ZNF841: variants seen among roughly 807,000 people sequenced by gnomAD.
ZNF841 encodes the protein TCONS_00006091.
Under a neutral mutation model 13.0 loss-of-function variants are expected in ZNF841, and 11 were observed. The observed-to-expected ratio is 0.85, with a 90% CI of 0.53 to 1.40. The LOEUF (loss-of-function observed/expected upper bound fraction) is 1.40, where lower values mean the gene tolerates loss of function less well. Ranked by LOEUF, ZNF841 falls within the 40% of genes most tolerant of loss-of-function variation. The probability of loss-of-function intolerance (pLI) is 0.00; values close to 1 mark genes in which losing one functional copy is unlikely to be tolerated. For synonymous variants in ZNF841, 369 were observed against 381.6 expected (o/e 0.97, Z 0.38); for missense variants, 1,068 against 1,139.5 (o/e 0.94, Z 0.90).
intron 1 of ZNF841, among the ~76,000 whole-genome samples, 192 bp downstream of exon 1, chr19:52,095,383 T>TC (rs1230947237): frequency 6.6e-6 from 1 of 151,826 alleles, no homozygotes; most frequent in Non-Finnish European, 1.5e-5. Context: ...ACGGAGGAGC[T>TC]CGGGGATCGC....
At chr19:52,072,950 T>C (rs539599490) in intron 6 of ZNF841, among the ~76,000 whole-genome samples, 17 of 152,272 alleles carry the variant, frequency 1.1e-4, no homozygotes, top group African/African-American at 3.9e-4. Flanking sequence ...AACTTGTGAA[T>C]GCAGGAAAAA....
At chr19:52,059,390 T>TATATATATAAAC in the ZNF841 span, among the ~76,000 whole-genome samples, 1 of 96,390 alleles carries the variant, frequency 1.0e-5, no homozygotes, top group Admixed American at 1.4e-4. Context: ...TATATATATA[T>TATATATATAAAC]ACACACACAC....
At chr19:52,075,909 G>A (rs2087883921) in intron 6 of ZNF841, 135 bp downstream of exon 6, 1 of 1,257,712 alleles carries the variant, frequency 8.0e-7, no homozygotes, top group Non-Finnish European at 1.1e-6. Flanking sequence ...AAAGCAAAGT[G>A]ATAAGCAGGA....
rs112823187 is a variant in ZNF841, at chr19:52,081,467, C to T, written c.15+3320G>A. Reference sequence around the variant, plus strand: ...GCTCAATGAGTTAAAAGATAGCACACACAGACAAGCTCACGAAATCAGGAA... The same window carrying T: ...GCTCAATGAGTTAAAAGATAGCACATACAGACAAGCTCACGAAATCAGGAA... On this transcript the variant is annotated intron_variant, in intron 4 of 6. Transcript: ENST00000594440. Among the ~76,000 whole-genome samples the T allele has an allele frequency of 4.1e-4, 62 of 152,290 alleles. 2 individuals are homozygous for T. The highest frequency in any genetic ancestry group is 1.4e-3 in the African/African-American group (59 of 41,544).
At position 52,067,146 on chromosome 19, in the gene ZNF841, A is replaced by C. The variant is rs912697996; in HGVS notation, c.736T>G (p.Ser246Ala). 24 of 1,555,374 alleles carry C rather than the reference A, an allele frequency of 1.5e-5. No homozygotes were observed. The highest frequency in any genetic ancestry group is 1.7e-5 in the Non-Finnish European group (20 of 1,148,586). Reference protein sequence around the residue: ...RKYGNDFLQLSLPTQDEKTHI... With the variant: ...RKYGNDFLQLALPTQDEKTHI... ...GTTTTCTCGTCTTGTGTAGGTAACGAAAGTTGCAAAAAATCATTCCCATAT... is the reference window on the plus strand; with the variant it reads ...GTTTTCTCGTCTTGTGTAGGTAACGCAAGTTGCAAAAAATCATTCCCATAT... The change falls in exon 7 of 7, where the codon TCG becomes GCG. Residue 246 changes from serine (S) to alanine (A), a missense_variant. Physicochemically the swap from Ser to Ala is moderately conservative, Grantham distance 99. Transcript: ENST00000594440.
intron 6 of ZNF841, among the ~76,000 whole-genome samples, chr19:52,074,757 T>C (rs1163356551): frequency 1.3e-5 from 2 of 152,146 alleles, no homozygotes; most frequent in East Asian, 3.9e-4. Flanking sequence ...CCTCAGGTGA[T>C]CCACCCGCCT....
intron 2 of ZNF841, among the ~76,000 whole-genome samples, chr19:52,092,640 G>C (rs376423783): frequency 2.6e-5 from 4 of 152,292 alleles, no homozygotes; most frequent in African/African-American, 9.6e-5. Flanking sequence ...CCATTTCTGG[G>C]TATATATCCA....
chr19:52,089,152 A>G (rs2088388414), intron 2 of ZNF841, 150 bp from the exon 3 acceptor site: 1 of 152,236 alleles, frequency 6.6e-6, no homozygotes, highest in African/African-American at 2.4e-5. Flanking sequence ...GCATACCTGT[A>G]GACTCTAATA....
chr19:52,076,848 C>A, intron 5 of ZNF841, 110 bp downstream of exon 5: 1 of 1,337,726 alleles, frequency 7.5e-7, no homozygotes, highest in Non-Finnish European at 1.0e-6. Flanking sequence ...TGTGAATCAA[C>A]AAGGCTTCAG....
At chr19:52,085,247 T>A (rs1309686494) in intron 3 of ZNF841, among the ~76,000 whole-genome samples, 2 of 152,210 alleles carry the variant, frequency 1.3e-5, no homozygotes, top group African/African-American at 4.8e-5. Context: ...GGACGCTCAA[T>A]GCTGGATACA....
chr19:52,067,595 C>A lies in ZNF841; in HGVS notation c.287G>T (p.Cys96Phe). The A allele has an allele frequency of 6.6e-7, 1 of 1,519,694 alleles. No homozygotes were observed. The highest frequency in any genetic ancestry group is 2.3e-5 in the East Asian group (1 of 42,918). 94.1% of individuals were successfully genotyped at this position (1,519,694 alleles called of 1,614,324 possible). The change falls in exon 7 of 7, where the codon TGT (cysteine) becomes TTT (phenylalanine). Residue 96 changes from cysteine to phenylalanine, a missense_variant. Physicochemically the swap from Cys to Phe is radical, Grantham distance 205. Transcript: ENST00000594440. ...KGVITGISPK[C>F]VIKELPPIQN... ...TATTGGTGGTAATTCCTTGATCACACATTTAGGAGAGATACCTGCAAAATA... is the reference window on the plus strand; with the variant it reads ...TATTGGTGGTAATTCCTTGATCACAAATTTAGGAGAGATACCTGCAAAATA...
chr19:52,075,776 G>A (rs1177278833), intron 6 of ZNF841, among the ~76,000 whole-genome samples: 1 of 152,160 alleles, frequency 6.6e-6, no homozygotes, highest in African/African-American at 2.4e-5. Flanking sequence ...ATGCCACAGA[G>A]TCAAAGCATC....
intron 6 of ZNF841, among the ~76,000 whole-genome samples, chr19:52,075,609 G>A (rs1182414640): frequency 2.0e-5 from 3 of 152,324 alleles, no homozygotes; most frequent in Middle Eastern, 3.4e-3. Flanking sequence ...GCACTTTCAA[G>A]TATAGGAAAT....
At chr19:52,091,246 A>T (rs2088488197) in intron 2 of ZNF841, among the ~76,000 whole-genome samples, 2 of 152,232 alleles carry the variant, frequency 1.3e-5, no homozygotes, top group East Asian at 1.9e-4. Flanking sequence ...AGAATATTTT[A>T]AAATGATTAA....
intron 6 of ZNF841, among the ~76,000 whole-genome samples, chr19:52,074,601 C>T (rs953331321): frequency 1.2e-4 from 18 of 152,094 alleles, no homozygotes; most frequent in Non-Finnish European, 7.3e-5. Flanking sequence ...ACTACAACCT[C>T]CGCCTCCCAG....
At position 52,076,339 on chromosome 19, in the gene ZNF841, T is replaced by TA. The variant is rs968419219; in HGVS notation, c.143-168dup. The TA allele has an allele frequency of 1.1e-5, 9 of 805,716 alleles. No homozygotes were observed. In the African/African-American group the frequency reaches 1.6e-4, roughly 14 times the overall value. 49.9% of individuals were successfully genotyped at this position (805,716 alleles called of 1,614,324 possible). A position where few individuals can be genotyped will look rare whatever the true frequency, so the allele number is the denominator to read the frequency against. ...GTGAACACTGTAAGATGAAGATATC[T>TA]AGCTCTCTCCCAAGAAATACTGAAT... On this transcript the variant is annotated intron_variant, in intron 5 of 6. Coordinates refer to ENST00000594440, the MANE Select transcript of ZNF841 (RefSeq NM_001136499.2).
At chr19:52,071,149 G>A (rs1016545771) in intron 6 of ZNF841, among the ~76,000 whole-genome samples, 1 of 152,074 alleles carries the variant, frequency 6.6e-6, no homozygotes, top group African/African-American at 2.4e-5. Flanking sequence ...GGACAACAAG[G>A]GAAGACAATT....
At chr19:52,077,141 A>G in intron 4 of ZNF841, 57 bp from the exon 5 acceptor site, 1 of 1,524,530 alleles carries the variant, frequency 6.6e-7, no homozygotes, top group East Asian at 2.3e-5. Context: ...TCTTTACATA[A>G]AATGAGAAGA....
At chr19:52,076,023 T>A (rs775599211) in intron 6 of ZNF841, 21 bp downstream of exon 6, 1 of 1,551,768 alleles carries the variant, frequency 6.4e-7, no homozygotes, top group Admixed American at 2.0e-5. Flanking sequence ...CCGCTTCCAT[T>A]GTGCCCATCT....
Sources: gnomAD v4.1 joint callset for allele counts (sites outside exome capture counted in the v4.1 genomes callset) on GRCh38, gnomAD v4.1.1 for gene constraint, MANE v1.5 for transcripts, NCBI Gene and HGNC (gene_info 2026-07-23, HGNC 2026-07-21) for gene names.